Variants in NRXN3 observed in about 807,000 individuals in gnomAD.
NRXN3 encodes the protein neurexin III.
In NRXN3, 32 loss-of-function variants were observed where a neutral mutation model predicts 137.6. The ratio of observed to expected loss-of-function variants is 0.23; its 90% confidence interval spans 0.18 to 0.31. The LOEUF (loss-of-function observed/expected upper bound fraction) is 0.31, where lower values mean the gene tolerates loss of function less well. NRXN3 is among the 10% of genes least tolerant of loss of function. The pLI, the probability that NRXN3 is intolerant of heterozygous loss-of-function variation, is 1.00. For missense variants in NRXN3, 1,574 were observed against 2,062.5 expected, an observed-to-expected ratio of 0.76 and a Z score of 4.59; for synonymous variants, 798 against 784.5, an observed-to-expected ratio of 1.02 and a Z score of -0.29.
At chr14:79,500,750 A>G (rs2096818134) in intron 16 of NRXN3, among the ~76,000 whole-genome samples, 1 of 152,192 alleles carries the variant, frequency 6.6e-6, no homozygotes, top group Non-Finnish European at 1.5e-5. Flanking sequence ...GAGGTCAATC[A>G]GATGCAGTCA....
rs1288993946 is a variant in NRXN3 at position 79,592,424 on chromosome 14, AATT to A, written c.3445-71349_3445-71347del. Among the ~76,000 whole-genome samples, 120 of 152,268 alleles carry A rather than the reference AATT, an allele frequency of 7.9e-4. 1 individual carries two copies. The Middle Eastern group carries it at 0.024, about 30-fold the overall frequency. ...AGTCTTCTCTGTTTTTGCATTCTTCAATTATTACCTTGAAGTTTTAATGTTTTT... is the reference window on the plus strand; with the variant it reads ...AGTCTTCTCTGTTTTTGCATTCTTCAATTACCTTGAAGTTTTAATGTTTTT... On this transcript the variant is annotated intron_variant, in intron 16 of 20. Transcript: ENST00000335750.
At chr14:79,305,060 AC>A (rs2085814644) in intron 15 of NRXN3, among the ~76,000 whole-genome samples, 1 of 152,042 alleles carries the variant, frequency 6.6e-6, no homozygotes, top group Non-Finnish European at 1.5e-5. Flanking sequence ...TGGCTCTGCT[AC>A]TTGTCAGCTA....
In NRXN3 at chr14:79,865,099, A is replaced by T. The variant is rs191140215; in HGVS notation, c.*3135A>T. The T allele has an allele frequency of 5.3e-5, 8 of 152,202 alleles. No homozygotes were observed. Among genetic ancestry groups the T allele is most frequent in the Non-Finnish European group, 1.0e-4 (7 of 68,038 alleles). 9.4% of individuals were successfully genotyped at this position (152,202 alleles called of 1,614,324 possible). A position where few individuals can be genotyped will look rare whatever the true frequency, so the allele number is the denominator to read the frequency against. ...ATTTCGTACCTTTTACGTATTTTCT[A>T]TAAGTCAACAAGCTTTAAACAGTAT... On this transcript the variant is annotated 3_prime_UTR_variant, in exon 21 of 21. Transcript: ENST00000335750.
chr14:79,642,419 A>C (rs529732642), intron 16 of NRXN3, among the ~76,000 whole-genome samples: 8 of 135,746 alleles, frequency 5.9e-5, no homozygotes, highest in African/African-American at 1.7e-4. Flanking sequence ...ACATTCGTTG[A>C]GATTTTTTCT....
intron 19 of NRXN3, among the ~76,000 whole-genome samples, chr14:79,760,951 A>C (rs2139408005): frequency 6.6e-6 from 1 of 151,612 alleles, no homozygotes; most frequent in Admixed American, 6.5e-5. Flanking sequence ...GATTCACTTC[A>C]TAACCCTTTT....
chr14:78,805,923 C>T (rs1421606416), intron 9 of NRXN3, among the ~76,000 whole-genome samples: 1 of 152,132 alleles, frequency 6.6e-6, no homozygotes, highest in Non-Finnish European at 1.5e-5. Context: ...CATTCTCTCT[C>T]TCACACACAC....
At chr14:79,177,367 T>C (rs2062452038) in intron 15 of NRXN3, among the ~76,000 whole-genome samples, 1 of 152,132 alleles carries the variant, frequency 6.6e-6, no homozygotes, top group African/African-American at 2.4e-5. Flanking sequence ...GAAATGAAAA[T>C]GCTTTAAAAT....
intron 15 of NRXN3, among the ~76,000 whole-genome samples, chr14:79,392,966 T>A (rs2153475915): frequency 1.8e-5 from 1 of 56,180 alleles, no homozygotes. Context: ...TGAGGCTCCA[T>A]CTCAAAAAAA....
intron 4 of NRXN3, among the ~76,000 whole-genome samples, chr14:78,573,196 T>A (rs2096906009): frequency 6.6e-6 from 1 of 152,192 alleles, no homozygotes; most frequent in Non-Finnish European, 1.5e-5. Context: ...GTTGAACCAC[T>A]TTTCTTTATA....
At chr14:78,457,514 G>A (rs1028808983) in intron 4 of NRXN3, among the ~76,000 whole-genome samples, 4 of 152,154 alleles carry the variant, frequency 2.6e-5, no homozygotes, top group Non-Finnish European at 5.9e-5. Flanking sequence ...TCTGGTCCAG[G>A]ATCAGGTAGT....
At chr14:78,327,288 T>C (rs2080224148) in intron 4 of NRXN3, among the ~76,000 whole-genome samples, 1 of 152,084 alleles carries the variant, frequency 6.6e-6, no homozygotes, top group Non-Finnish European at 1.5e-5. Flanking sequence ...AAAGGTGATA[T>C]TTGAATGGGG....
At chr14:79,593,999 C>G (rs2097837243) in intron 16 of NRXN3, among the ~76,000 whole-genome samples, 1 of 152,022 alleles carries the variant, frequency 6.6e-6, no homozygotes. Flanking sequence ...ATGTATAAAT[C>G]CTTTTTTTGA....
chr14:79,844,955 C>A (rs1359407186), intron 20 of NRXN3, among the ~76,000 whole-genome samples: 1 of 152,192 alleles, frequency 6.6e-6, no homozygotes, highest in Non-Finnish European at 1.5e-5. Context: ...CCACTTTGAT[C>A]AGTTATCTTA....
At chr14:79,649,092 C>T (rs556813214) in intron 16 of NRXN3, among the ~76,000 whole-genome samples, 289 of 152,228 alleles carry the variant, frequency 1.9e-3, no homozygotes, top group African/African-American at 5.9e-3. Flanking sequence ...TGTCTGTATC[C>T]TTATTATCTC....
chr14:78,531,788 T>C (rs759791434), intron 4 of NRXN3, among the ~76,000 whole-genome samples: 31 of 152,286 alleles, frequency 2.0e-4, no homozygotes, highest in Middle Eastern at 6.8e-3. Flanking sequence ...CTTTTTGTCC[T>C]TAGGGAAACT....
At chr14:79,835,811 C>CACT (rs2099340286) in intron 20 of NRXN3, among the ~76,000 whole-genome samples, 1 of 152,256 alleles carries the variant, frequency 6.6e-6, no homozygotes, top group African/African-American at 2.4e-5. Flanking sequence ...AGGATTTAAA[C>CACT]ACTAAACCAC....
intron 4 of NRXN3, among the ~76,000 whole-genome samples, chr14:78,609,480 G>A (rs527497683): frequency 2.0e-5 from 3 of 152,312 alleles, no homozygotes; most frequent in African/African-American, 7.2e-5. Context: ...TATCATGAAA[G>A]TAGGCTCTGT....
chr14:78,957,118 T>C, intron 10 of NRXN3, 124 bp from the exon 11 acceptor site: 1 of 1,030,242 alleles, frequency 9.7e-7, no homozygotes, highest in East Asian at 2.5e-5. Context: ...CGAATGGACT[T>C]TGGGTGGAAT....
At chr14:79,246,464 A>G (rs968978965) in intron 15 of NRXN3, among the ~76,000 whole-genome samples, 9 of 152,142 alleles carry the variant, frequency 5.9e-5, no homozygotes. Context: ...CCTGGATGCT[A>G]GCCGATCCTC....
Sources: gnomAD v4.1 joint callset for allele counts (sites outside exome capture counted in the v4.1 genomes callset) on GRCh38, gnomAD v4.1.1 for gene constraint, MANE v1.5 for transcripts, NCBI Gene and HGNC (gene_info 2026-07-23, HGNC 2026-07-21) for gene names.